Variants in WDR64 observed in about 807,000 individuals in gnomAD.
WDR64 encodes the protein WD repeat domain 64.
WDR64 carries 112 observed loss-of-function variants against 139.3 expected under a neutral mutation model. The ratio of observed to expected loss-of-function variants is 0.80; its 90% CI spans 0.69 to 0.94. The LOEUF is 0.94. WDR64 is among the 40% of genes least tolerant of loss of function. The probability of loss-of-function intolerance (pLI) is 0.00; values close to 1 mark genes in which losing one functional copy is unlikely to be tolerated. For missense variants in WDR64, 1,206 were observed against 1,293.1 expected (o/e 0.93, Z 1.03); for synonymous variants, 444 against 437.7 (o/e 1.01, Z -0.18).
rs181226451 is a variant in WDR64, at chr1:241,796,582, T to C, written c.3192+212T>C. 8.5e-5 allele frequency among the ~76,000 whole-genome samples: 13 copies of C among 152,088 alleles called. No homozygotes were observed. The East Asian group carries it at 2.5e-3, about 29-fold the overall frequency. On this transcript the variant is annotated intron_variant, in intron 27 of 27. Transcript: ENST00000437684. ...ATCTCAGCTCACTGCAACCTCCGCC[T>C]ACCAGGTTCAAATGATTCTTCTGCC...
chr1:241,773,423 A>G (rs1336970391), intron 20 of WDR64, among the ~76,000 whole-genome samples: 2 of 152,180 alleles, frequency 1.3e-5, no homozygotes, highest in Non-Finnish European at 2.9e-5. Context: ...AAATCTATTG[A>G]GCCTGCTTAT....
At chr1:241,779,058 G>C (rs1339835658) in intron 21 of WDR64, among the ~76,000 whole-genome samples, 1 of 151,874 alleles carries the variant, frequency 6.6e-6, no homozygotes, top group African/African-American at 2.4e-5. Context: ...AGGCCTATTA[G>C]TGACAAATTA....
At chr1:241,770,478 G>C (rs899211079) in intron 17 of WDR64, 143 bp from the exon 18 acceptor site, 121 of 654,302 alleles carry the variant, frequency 1.8e-4, no homozygotes, top group Non-Finnish European at 2.9e-4. Flanking sequence ...CAGAATATAA[G>C]GCATGATTTG....
chr1:241,683,917 T>C (rs1666914302), intron 7 of WDR64, among the ~76,000 whole-genome samples: 2 of 149,288 alleles, frequency 1.3e-5, no homozygotes. Flanking sequence ...GCTTCTGGCC[T>C]CAAGAAACCA....
intron 23 of WDR64, among the ~76,000 whole-genome samples, chr1:241,787,198 CA>C (rs67336689): frequency 0.57 from 73,020 of 128,132 alleles, 20,314 homozygotes; most frequent in Middle Eastern, 0.71. Context: ...ACTAAAAATA[CA>C]AAAAAAAAAA....
chr1:241,679,507 G>A lies in WDR64; in HGVS notation c.536G>A (p.Cys179Tyr). 6.4e-7 allele frequency: 1 copy of A among 1,551,988 alleles called. No individual in the cohort carries two copies. Among genetic ancestry groups the A allele is most frequent in the African/African-American group, 1.4e-5 (1 of 73,178 alleles). ...CAGGACACCTCCTGGATTACAGGGT[G>A]TGATTACCTCTTGCAGCTGAAACGA... ...NVTDTSWITGCDYLLQLKRIV... is the reference protein window; with the variant it reads ...NVTDTSWITGYDYLLQLKRIV... Residue 179 changes from cysteine to tyrosine, a missense_variant, in exon 6 of 28, where the codon TGT (cysteine) becomes TAT (tyrosine). By Grantham distance (194) the Cys-to-Tyr change is radical. Coordinates refer to ENST00000437684, the MANE Select transcript of WDR64 (RefSeq NM_001367482.1).
intron 10 of WDR64, among the ~76,000 whole-genome samples, chr1:241,735,855 C>CTCTCTGTGTGTG (rs1248435698): frequency 1.4e-5 from 1 of 71,610 alleles, no homozygotes; most frequent in African/African-American, 4.7e-5. Context: ...CTCTCTCTCT[C>CTCTCTGTGTGTG]TGTGTGTGTG....
intron 8 of WDR64, among the ~76,000 whole-genome samples, chr1:241,694,138 C>T (rs1041594166): frequency 1.3e-5 from 2 of 152,016 alleles, no homozygotes; most frequent in South Asian, 2.1e-4. Flanking sequence ...AAAATAGCCT[C>T]TGCATATACA....
rs192130835 is a variant in WDR64, at chr1:241,708,646, C to T, written c.975-3156C>T. Among the ~76,000 whole-genome samples the T allele has an allele frequency of 9.3e-5, 14 of 150,586 alleles. No individual in the cohort carries two copies. The East Asian group carries it at 2.5e-3, about 27-fold the overall frequency. The stretch of plus-strand genomic sequence containing the variant: ...AATAATTTAATAGACATTTATGACT[C>T]CACCCTTGGAGAGTCTGATTTATCA... On this transcript the variant is annotated intron_variant, in intron 8 of 27. Coordinates refer to ENST00000437684, the MANE Select transcript of WDR64 (RefSeq NM_001367482.1).
chr1:241,655,244 A>G (rs577839581), intron 1 of WDR64, among the ~76,000 whole-genome samples: 23 of 152,150 alleles, frequency 1.5e-4, no homozygotes, highest in South Asian at 6.2e-4. Flanking sequence ...TTAGCTGGGC[A>G]TGGTGACGTG....
At chr1:241,692,331 T>G (rs1667333510) in intron 8 of WDR64, among the ~76,000 whole-genome samples, 1 of 152,206 alleles carries the variant, frequency 6.6e-6, no homozygotes, top group Non-Finnish European at 1.5e-5. Context: ...GCAAAAGGTC[T>G]TGAGTATTCA....
Position 241,757,313 on chromosome 1 carries a change from ATC to A in WDR64, c.1803_1804del (p.Ile601MetfsTer5). The A allele has an allele frequency of 6.2e-7, 1 of 1,613,958 alleles. No individual in the cohort carries two copies. Among genetic ancestry groups the A allele is most frequent in the Non-Finnish European group, 8.5e-7 (1 of 1,179,942 alleles). On this transcript the variant is annotated frameshift_variant, in exon 15 of 28. Transcript: ENST00000437684. LOFTEE classifies it high-confidence loss of function. ...GGAAGATGATATCTACCTCATGGTG[ATC>A]TGGGAGCTGCCTGATGTTGTGCCTT... ...GKEDDIYLMVIWELPDVVPFL... is the reference protein window; with the variant it reads ...GKEDDIYLMVXWELPDVVPFL...
intron 8 of WDR64, among the ~76,000 whole-genome samples, chr1:241,695,897 C>T (rs545600963): frequency 1.3e-5 from 2 of 151,750 alleles, no homozygotes; most frequent in Non-Finnish European, 2.9e-5. Context: ...GAGAATCACT[C>T]GAGCCCAGGA....
chr1:241,777,264 G>A (rs1658687058), intron 21 of WDR64, among the ~76,000 whole-genome samples: 1 of 151,692 alleles, frequency 6.6e-6, no homozygotes, highest in Admixed American at 6.6e-5. Context: ...GTAGAGACAG[G>A]TCTTACTTCT....
intron 8 of WDR64, among the ~76,000 whole-genome samples, chr1:241,693,149 T>C (rs1024010623): frequency 6.6e-6 from 1 of 152,156 alleles, no homozygotes; most frequent in Admixed American, 6.6e-5. Context: ...TTGCCAAAAC[T>C]TGGGGGCAAC....
Position 241,741,501 on chromosome 1 carries a change from T to A in WDR64, c.1322-15T>A, listed in dbSNP as rs376532299. 26 of 1,583,372 alleles carry A rather than the reference T, an allele frequency of 1.6e-5. No homozygotes were observed. The highest frequency in any genetic ancestry group is 1.7e-4 in the Middle Eastern group (1 of 5,902). On this transcript the variant is annotated splice_polypyrimidine_tract_variant and intron_variant, in intron 11 of 27. Transcript: ENST00000437684. Reference sequence around the variant, plus strand: ...CTAATATTGCATATTTATGAGATTCTTACTTCTGTTCCAGGATCTAGTGTT... The same window carrying A: ...CTAATATTGCATATTTATGAGATTCATACTTCTGTTCCAGGATCTAGTGTT...
chr1:241,695,973 G>T (rs931813334), intron 8 of WDR64, among the ~76,000 whole-genome samples: 1 of 151,598 alleles, frequency 6.6e-6, no homozygotes, highest in Admixed American at 6.6e-5. Context: ...AATTAGCCAG[G>T]TATGGTGGCA....
chr1:241,790,837 C>A (rs1414669464), intron 25 of WDR64, 141 bp downstream of exon 25: 2 of 707,018 alleles, frequency 2.8e-6, no homozygotes, highest in African/African-American at 1.8e-5. Flanking sequence ...AACTTGGTGG[C>A]TTAAACAATA....
intron 6 of WDR64, among the ~76,000 whole-genome samples, chr1:241,680,778 C>T (rs780575602): frequency 1.1e-4 from 4 of 36,378 alleles, no homozygotes; most frequent in Non-Finnish European, 2.4e-4. Flanking sequence ...TTATGAACTT[C>T]GGGTCTGCAG....
Sources: allele counts gnomAD v4.1 joint callset (sites outside exome capture counted in the v4.1 genomes callset), GRCh38; gene constraint gnomAD v4.1.1; transcripts MANE v1.5; gene names NCBI Gene and HGNC (gene_info 2026-07-23, HGNC 2026-07-21).